MEIS2: variants seen among roughly 807,000 people sequenced by gnomAD.
MEIS2 encodes homeobox protein Meis2.
In MEIS2, 9 loss-of-function variants were observed where a neutral mutation model predicts 58.6. The observed-to-expected ratio is 0.15, with a 90% confidence interval of 0.09 to 0.27. The LOEUF (loss-of-function observed/expected upper bound fraction) is 0.27, where lower values mean the gene tolerates loss of function less well. MEIS2 is among the 10% of genes least tolerant of loss of function. MEIS2 has a pLI of 1.00. For synonymous variants in MEIS2, 221 were observed against 228.4 expected (o/e 0.97, Z 0.29); for missense variants, 427 against 635.0 (o/e 0.67, Z 3.52).
rs142842599 is a variant in MEIS2 at position 36,931,521 on chromosome 15, C to T, written c.977+18803G>A. 6.4e-3 allele frequency among the ~76,000 whole-genome samples: 973 copies of T among 152,248 alleles called. 12 individuals carry two copies. The highest frequency in any genetic ancestry group is 0.022 in the African/African-American group (920 of 41,536). On this transcript the variant is annotated intron_variant, in intron 9 of 11. Coordinates refer to ENST00000561208, the MANE Select transcript of MEIS2 (RefSeq NM_170675.5). ...ATGGCATACAACAAAATTGAAACAA[C>T]GTTGATGCTTGCTTTTTAGAAGCCA...
At position 37,095,606 on chromosome 15, in the gene MEIS2, G is replaced by T; in HGVS notation, c.396C>A (p.Ala132=). The part of the protein sequence containing the change: ...DIAVFAKQVR[A]EKPLFSSNPE... ...GATTTGAGGAAAAAAGTGGCTTTTC[G>T]GCGCGAACCTGTAAGAAACAGAGAG... Residue 132 remains alanine, a synonymous_variant, in exon 4 of 12, where the codon GCC becomes GCA. Transcript: ENST00000561208. 2 of 1,614,164 alleles carry T rather than the reference G, an allele frequency of 1.2e-6. No individual in the cohort carries two copies. The highest frequency in any genetic ancestry group is 1.7e-6 in the Non-Finnish European group (2 of 1,180,038).
intron 8 of MEIS2, among the ~76,000 whole-genome samples, chr15:37,030,577 T>C (rs1453109647): frequency 6.6e-6 from 1 of 151,904 alleles, no homozygotes; most frequent in Admixed American, 6.6e-5. Context: ...CCTCAAGCAA[T>C]CCACCCCCCT....
At chr15:37,020,755 A>G (rs574141411) in intron 8 of MEIS2, among the ~76,000 whole-genome samples, 120 of 148,876 alleles carry the variant, frequency 8.1e-4, no homozygotes, top group Middle Eastern at 7.0e-3. Context: ...GTTATGGGGG[A>G]AAAAAAAACC....
intron 9 of MEIS2, among the ~76,000 whole-genome samples, chr15:36,939,041 C>T (rs2058280909): frequency 6.6e-6 from 1 of 152,116 alleles, no homozygotes; most frequent in South Asian, 2.1e-4. Flanking sequence ...CTGGTTCCTC[C>T]CAGACTCCTT....
intron 9 of MEIS2, among the ~76,000 whole-genome samples, chr15:36,945,510 G>A (rs1363076787): frequency 6.6e-6 from 1 of 152,034 alleles, no homozygotes; most frequent in Non-Finnish European, 1.5e-5. Flanking sequence ...CCTTCCTGAA[G>A]GGAAAGAGAA....
intron 6 of MEIS2, 86 bp downstream of exon 6, chr15:37,093,495 A>C (rs1396347170): frequency 2.0e-6 from 3 of 1,478,254 alleles, no homozygotes; most frequent in Admixed American, 2.3e-5. Flanking sequence ...AAGAAAACTA[A>C]ATCAGTGGAG....
Position 37,089,294 on chromosome 15 carries a change from T to A in MEIS2, c.639+4287A>T, listed in dbSNP as rs570941190. 2.0e-5 allele frequency among the ~76,000 whole-genome samples: 3 copies of A among 152,274 alleles called. No individual in the cohort carries two copies. The South Asian group carries it at 6.2e-4, about 32-fold the overall frequency. On this transcript the variant is annotated intron_variant, in intron 6 of 11. Transcript: ENST00000561208. ...AATTTCATTATTTCCCCCTTGATATTCTATAGAACAACCACTTGAACCTAT... is the reference window on the plus strand; with the variant it reads ...AATTTCATTATTTCCCCCTTGATATACTATAGAACAACCACTTGAACCTAT...
intron 1 of MEIS2, chr15:37,098,410 GAGAGA>G (rs1894634197): frequency 8.5e-7 from 1 of 1,170,994 alleles, no homozygotes; most frequent in African/African-American, 1.6e-5. Flanking sequence ...GAGAGAGAGA[GAGAGA>G]GAGAGAGAGA....
chr15:36,951,565 T>C (rs1845477914), intron 8 of MEIS2, among the ~76,000 whole-genome samples: 1 of 152,140 alleles, frequency 6.6e-6, no homozygotes, highest in African/African-American at 2.4e-5. Context: ...GCGTACATTA[T>C]CCAAAATGCG....
rs1029213584 is a variant in MEIS2 at position 37,063,997 on chromosome 15, C to T, written c.754+19774G>A. The stretch of plus-strand genomic sequence containing the variant: ...ATTTGAAACAAAACGATTTTTTTGT[C>T]CCATATATGAAAAACTTGATCAGAA... On this transcript the variant is annotated intron_variant, in intron 7 of 11. Coordinates refer to ENST00000561208, the MANE Select transcript of MEIS2 (RefSeq NM_170675.5). Among the ~76,000 whole-genome samples the T allele has an allele frequency of 8.5e-5, 13 of 152,114 alleles. 1 individual carries two copies. Among genetic ancestry groups the T allele is most frequent in the Admixed American group, 7.9e-4 (12 of 15,274 alleles).
intron 8 of MEIS2, among the ~76,000 whole-genome samples, chr15:36,985,101 G>C (rs991331423): frequency 2.0e-5 from 3 of 151,770 alleles, no homozygotes; most frequent in Admixed American, 2.0e-4. Context: ...TTATACTCTT[G>C]ACTATCACTT....
chr15:36,964,563 G>A (rs568094315), intron 8 of MEIS2, among the ~76,000 whole-genome samples: 101 of 152,218 alleles, frequency 6.6e-4, no homozygotes, highest in Non-Finnish European at 1.2e-3. Flanking sequence ...TGAAAATCTG[G>A]ATTTTTTTCA....
At chr15:37,029,013 A>G (rs1397192202) in intron 8 of MEIS2, among the ~76,000 whole-genome samples, 2 of 152,178 alleles carry the variant, frequency 1.3e-5, no homozygotes, top group Non-Finnish European at 2.9e-5. Flanking sequence ...CGGGAAAATA[A>G]ATCACCCAGC....
At chr15:37,055,045 G>A (rs1446669722) in intron 7 of MEIS2, among the ~76,000 whole-genome samples, 1 of 152,164 alleles carries the variant, frequency 6.6e-6, no homozygotes, top group African/African-American at 2.4e-5. Flanking sequence ...CTAAGGCTTA[G>A]AGAGGTGGAG....
At chr15:37,021,564 G>T (rs1219490582) in intron 8 of MEIS2, among the ~76,000 whole-genome samples, 1 of 152,154 alleles carries the variant, frequency 6.6e-6, no homozygotes, top group Admixed American at 6.5e-5. Context: ...GCACCTCCAA[G>T]ATTACAAACC....
At chr15:37,051,107 C>T (rs995682682) in intron 7 of MEIS2, among the ~76,000 whole-genome samples, 2 of 152,144 alleles carry the variant, frequency 1.3e-5, no homozygotes, top group African/African-American at 4.8e-5. Context: ...CACTTTGTAC[C>T]CAATGCTTTA....
chr15:36,942,853 G>C (rs2058423565), intron 9 of MEIS2, among the ~76,000 whole-genome samples: 1 of 151,886 alleles, frequency 6.6e-6, no homozygotes, highest in African/African-American at 2.4e-5. Flanking sequence ...TTATTTTTAA[G>C]AGTAAAAAAA....
chr15:36,932,110 G>A (rs2141334198), intron 9 of MEIS2, among the ~76,000 whole-genome samples: 1 of 152,188 alleles, frequency 6.6e-6, no homozygotes, highest in East Asian at 1.9e-4. Context: ...ATAAACGTTA[G>A]GAAAAAAGTC....
intron 8 of MEIS2, among the ~76,000 whole-genome samples, chr15:36,992,816 G>A (rs1255413745): frequency 6.6e-6 from 1 of 151,940 alleles, no homozygotes; most frequent in Non-Finnish European, 1.5e-5. Context: ...GCGATGAGAG[G>A]AATCTACTCA....
Sources: allele counts gnomAD v4.1 joint callset (sites outside exome capture counted in the v4.1 genomes callset), GRCh38; gene constraint gnomAD v4.1.1; transcripts MANE v1.5; gene names NCBI Gene and HGNC (gene_info 2026-07-23, HGNC 2026-07-21).